The following NEGR1 variants were observed in gnomAD, a reference collection of about 807,000 sequenced individuals.
NEGR1 encodes neuronal growth regulator 1.
In NEGR1, 10 loss-of-function variants were observed where a neutral mutation model predicts 40.9. That is an observed-to-expected ratio of 0.24 (90% CI 0.15 to 0.42). The LOEUF (loss-of-function observed/expected upper bound fraction) is 0.42. Ranked by LOEUF, NEGR1 falls within the 10% of genes least tolerant of loss-of-function variation. The probability of loss-of-function intolerance (pLI) is 1.00; values close to 1 mark genes in which losing one functional copy is unlikely to be tolerated. For synonymous variants in NEGR1, 185 were observed against 166.8 expected (o/e 1.11, Z -0.84); for missense variants, 352 against 438.9 (o/e 0.80, Z 1.77).
rs928368857 is a variant in NEGR1 at position 71,400,137 on chromosome 1, G to A, written c.*7309C>T. The stretch of plus-strand genomic sequence containing the variant: ...AATTTCCACCAAGGAATAGCCCAGT[G>A]CTTTTAGCAATCCATTTGAAATGAA... On this transcript the variant is annotated 3_prime_UTR_variant, in exon 7 of 7. Coordinates refer to ENST00000357731, the MANE Select transcript of NEGR1 (RefSeq NM_173808.3). 3 of 152,130 alleles carry A rather than the reference G, an allele frequency of 2.0e-5. No individual in the cohort carries two copies. Among genetic ancestry groups the A allele is most frequent in the African/African-American group, 4.8e-5 (2 of 41,406 alleles). The allele number at this position is 152,130 out of a possible 1,614,324, so 9.4% of individuals were successfully genotyped here.
chr1:72,058,416 T>C (rs2100489411), intron 1 of NEGR1, among the ~76,000 whole-genome samples: 1 of 151,646 alleles, frequency 6.6e-6, no homozygotes, highest in South Asian at 2.1e-4. Flanking sequence ...AGTCAAAGGG[T>C]TCTATGAGGT....
chr1:71,590,528 G>A (rs976195464), intron 6 of NEGR1, among the ~76,000 whole-genome samples: 1 of 151,932 alleles, frequency 6.6e-6, no homozygotes, highest in Non-Finnish European at 1.5e-5. Context: ...TTTGCCGGGT[G>A]TAGGCATTGT....
intron 6 of NEGR1, among the ~76,000 whole-genome samples, chr1:71,582,927 A>G (rs1286982462): frequency 6.6e-6 from 1 of 152,108 alleles, no homozygotes; most frequent in African/African-American, 2.4e-5. Flanking sequence ...TGGGTAAGCT[A>G]AGTTTGATTA....
At chr1:72,084,503 T>C (rs780292130) in intron 1 of NEGR1, among the ~76,000 whole-genome samples, 2 of 152,228 alleles carry the variant, frequency 1.3e-5, no homozygotes, top group Non-Finnish European at 2.9e-5. Context: ...AAATACATTA[T>C]GTTTTACTTA....
chr1:72,282,255 A>C (rs1219363734), intron 1 of NEGR1, 64 bp downstream of exon 1: 1 of 1,573,236 alleles, frequency 6.4e-7, no homozygotes, highest in Non-Finnish European at 8.7e-7. Context: ...GAAGGCAAAG[A>C]GGGTTCAAAG....
At chr1:71,542,627 C>T (rs1235015953) in intron 6 of NEGR1, among the ~76,000 whole-genome samples, 1 of 151,692 alleles carries the variant, frequency 6.6e-6, no homozygotes, top group Non-Finnish European at 1.5e-5. Context: ...AGAAGCCTGG[C>T]CTTTTCACTC....
rs554734763 is a variant in NEGR1, at chr1:72,173,758, T to C, written c.176+108561A>G. On this transcript the variant is annotated intron_variant, in intron 1 of 6. Coordinates refer to ENST00000357731, the MANE Select transcript of NEGR1 (RefSeq NM_173808.3). ...GAGTTCGAGACAAGCCTGGCCAACA[T>C]GGTGAAACCCTGTCTCTACTAAAAA... is the stretch of plus-strand genomic sequence containing the variant. Among the ~76,000 whole-genome samples, 20 of 152,176 alleles carry C rather than the reference T, an allele frequency of 1.3e-4. 1 individual carries two copies. In the East Asian group the frequency reaches 3.9e-3, roughly 30 times the overall value.
chr1:71,789,897 T>C (rs1269201468), intron 2 of NEGR1, among the ~76,000 whole-genome samples: 1 of 152,256 alleles, frequency 6.6e-6, no homozygotes, highest in African/African-American at 2.4e-5. Context: ...TCTTTTATTC[T>C]GTATTTTTGC....
Position 71,407,561 on chromosome 1 carries a change from G to A in NEGR1, c.950C>T (p.Thr317Ile), listed in dbSNP as rs754723793. The part of the protein sequence containing the change: ...NASLPLNPPS[T>I]AQYGITGSAD... ...GCTCCCGGTAATTCCATACTGGGCT[G>A]TACTTGGAGCTGGAAAGAAATGGAA... Residue 317 changes from threonine to isoleucine, a missense_variant, in exon 7 of 7, where the codon ACA (threonine) becomes ATA (isoleucine). Transcript: ENST00000357731. 2 of 1,611,820 alleles carry A rather than the reference G, an allele frequency of 1.2e-6. No individual in the cohort carries two copies. The highest frequency in any genetic ancestry group is 1.7e-5 in the Admixed American group (1 of 59,886).
At chr1:71,465,654 TA>T (rs1329786244) in intron 6 of NEGR1, among the ~76,000 whole-genome samples, 16 of 152,176 alleles carry the variant, frequency 1.1e-4, no homozygotes, top group Non-Finnish European at 1.2e-4. Flanking sequence ...ACTAGTACCT[TA>T]AAGTCTAGCT....
intron 4 of NEGR1, among the ~76,000 whole-genome samples, chr1:71,686,267 G>A (rs980241703): frequency 6.6e-6 from 1 of 151,902 alleles, no homozygotes; most frequent in Non-Finnish European, 1.5e-5. Flanking sequence ...TGAACTTTGG[G>A]AACAAATAGA....
intron 4 of NEGR1, among the ~76,000 whole-genome samples, chr1:71,696,403 T>C (rs887550990): frequency 6.6e-6 from 1 of 151,728 alleles, no homozygotes; most frequent in Non-Finnish European, 1.5e-5. Context: ...ATCAGAGACA[T>C]CGTTTTAAAG....
intron 1 of NEGR1, among the ~76,000 whole-genome samples, chr1:72,162,905 T>A (rs954731384): frequency 6.6e-6 from 1 of 152,184 alleles, no homozygotes; most frequent in Non-Finnish European, 1.5e-5. Flanking sequence ...TAGAAAATTA[T>A]AAACAGAAAT....
chr1:71,976,916 T>G (rs1019733539), intron 1 of NEGR1, among the ~76,000 whole-genome samples: 7 of 152,196 alleles, frequency 4.6e-5, no homozygotes, highest in Non-Finnish European at 1.0e-4. Context: ...AATATGATAG[T>G]TTTGGCCTTA....
chr1:71,772,604 T>C (rs1323977439), intron 3 of NEGR1, among the ~76,000 whole-genome samples: 1 of 152,214 alleles, frequency 6.6e-6, no homozygotes, highest in Non-Finnish European at 1.5e-5. Flanking sequence ...AATTGGAATA[T>C]GGTTGATTAA....
intron 6 of NEGR1, among the ~76,000 whole-genome samples, chr1:71,512,684 G>A (rs1046249913): frequency 7.3e-5 from 11 of 151,334 alleles, no homozygotes; most frequent in Non-Finnish European, 1.6e-4. Context: ...CCAGGTTCAA[G>A]CAGTTCTCTG....
intron 2 of NEGR1, among the ~76,000 whole-genome samples, chr1:71,822,282 T>C (rs1024372063): frequency 6.6e-6 from 1 of 151,888 alleles, no homozygotes; most frequent in African/African-American, 2.4e-5. Flanking sequence ...GATGGACCTA[T>C]AGGATTGCAC....
intron 2 of NEGR1, among the ~76,000 whole-genome samples, chr1:71,897,381 CTAGT>C (rs1275512668): frequency 2.6e-5 from 4 of 152,222 alleles, no homozygotes; most frequent in South Asian, 2.1e-4. Context: ...TGCTGTGTAG[CTAGT>C]TAGTTACCTA....
intron 1 of NEGR1, among the ~76,000 whole-genome samples, chr1:72,104,964 A>G (rs1270164591): frequency 6.6e-6 from 1 of 152,120 alleles, no homozygotes; most frequent in Non-Finnish European, 1.5e-5. Flanking sequence ...ATAACCTAGT[A>G]TGTTTTTAAA....
Sources: allele counts gnomAD v4.1 joint callset (sites outside exome capture counted in the v4.1 genomes callset), GRCh38; gene constraint gnomAD v4.1.1; transcripts MANE v1.5; gene names NCBI Gene and HGNC (gene_info 2026-07-23, HGNC 2026-07-21).